GRIK3: variants seen among roughly 807,000 people sequenced by gnomAD.
The protein encoded by GRIK3 is glutamate receptor ionotropic, kainate 3.
In GRIK3, 29 loss-of-function variants were observed where a neutral mutation model predicts 102.5. The observed-to-expected ratio is 0.28, with a 90% CI of 0.21 to 0.39. The LOEUF (loss-of-function observed/expected upper bound fraction) is 0.39. Among genes scored for constraint, GRIK3 ranks in the 10% least tolerant of loss-of-function variants. The pLI is 1.00. For missense variants in GRIK3, 908 were observed against 1,252.4 expected (o/e 0.73, Z 4.15); for synonymous variants, 511 against 504.9 (o/e 1.01, Z -0.16).
intron 1 of GRIK3, among the ~76,000 whole-genome samples, chr1:36,903,056 C>T (rs531571699): frequency 4.4e-4 from 67 of 152,270 alleles, no homozygotes; most frequent in African/African-American, 1.5e-3. Flanking sequence ...TCCCAAAGTG[C>T]TGGGATTACC....
chr1:37,010,664 C>T (rs1642585057), intron 1 of GRIK3, among the ~76,000 whole-genome samples: 1 of 151,938 alleles, frequency 6.6e-6, no homozygotes, highest in Non-Finnish European at 1.5e-5. Flanking sequence ...CCAACCTTCC[C>T]GTCTGTGTGC....
chr1:37,030,157 A>G (rs927627346), intron 1 of GRIK3, among the ~76,000 whole-genome samples: 1 of 152,152 alleles, frequency 6.6e-6, no homozygotes, highest in African/African-American at 2.4e-5. Flanking sequence ...CCCGCGGGCC[A>G]CTCCCAGGTC....
chr1:36,873,548 G>A (rs1472835452), intron 3 of GRIK3, among the ~76,000 whole-genome samples: 1 of 152,080 alleles, frequency 6.6e-6, no homozygotes, highest in South Asian at 2.1e-4. Context: ...GGTCCCAAGA[G>A]GGCCATCCCC....
chr1:36,964,477 C>T (rs980895512), intron 1 of GRIK3, among the ~76,000 whole-genome samples: 2 of 152,228 alleles, frequency 1.3e-5, no homozygotes, highest in African/African-American at 4.8e-5. Context: ...CACTGGAAAC[C>T]GAACCCCCAC....
intron 1 of GRIK3, among the ~76,000 whole-genome samples, chr1:37,026,951 A>G (rs1468393939): frequency 1.3e-5 from 2 of 152,146 alleles, no homozygotes; most frequent in African/African-American, 4.8e-5. Context: ...ATTGACTCCA[A>G]AAAAAATCAT....
At position 36,819,675 on chromosome 1, in the gene GRIK3, G is replaced by C. The variant is rs1218336575; in HGVS notation, c.1873+61C>G. 10 of 880,784 alleles carry C rather than the reference G, an allele frequency of 1.1e-5. No individual in the cohort carries two copies. Among genetic ancestry groups the C allele is most frequent in the Non-Finnish European group, 1.9e-5 (10 of 513,758 alleles). The allele number at this position is 880,784 out of a possible 1,614,324, so 54.6% of individuals were successfully genotyped here. A position where few individuals can be genotyped will look rare whatever the true frequency, so the allele number is the denominator to read the frequency against. ...GGCTGGCTCTGCTGATGCCAAAGAG[G>C]CTGAAGACCGCTTGGGGAAAGCAGA... On this transcript the variant is annotated intron_variant, in intron 12 of 15. Coordinates refer to ENST00000373091, the MANE Select transcript of GRIK3 (RefSeq NM_000831.4). This position sits in a 1 kb window ranked among gnomAD's most constrained non-coding sequence, Gnocchi z 4.1.
chr1:36,994,776 T>C (rs138099948), intron 1 of GRIK3, among the ~76,000 whole-genome samples: 43 of 152,354 alleles, frequency 2.8e-4, no homozygotes, highest in African/African-American at 9.9e-4. Flanking sequence ...GGCATCATTC[T>C]AAACTTCCTG....
chr1:36,905,065 A>G (rs1017513005), intron 1 of GRIK3, among the ~76,000 whole-genome samples: 1 of 152,176 alleles, frequency 6.6e-6, no homozygotes, highest in Non-Finnish European at 1.5e-5. Flanking sequence ...GCATACAAAT[A>G]TAGAAAAACA....
chr1:37,008,762 C>T (rs1009593847), intron 1 of GRIK3, among the ~76,000 whole-genome samples: 8 of 152,248 alleles, frequency 5.3e-5, no homozygotes, highest in Admixed American at 4.6e-4. Context: ...TCCAGGACAG[C>T]GAGGTCAGAA....
At chr1:36,942,840 G>A (rs778494203) in intron 1 of GRIK3, among the ~76,000 whole-genome samples, 4 of 152,140 alleles carry the variant, frequency 2.6e-5, no homozygotes, top group Non-Finnish European at 5.9e-5. Context: ...GGTGAAGCTG[G>A]CAGCCCAGGG....
intron 1 of GRIK3, among the ~76,000 whole-genome samples, chr1:36,988,097 C>A (rs887851439): frequency 1.3e-5 from 2 of 152,154 alleles, no homozygotes; most frequent in Non-Finnish European, 2.9e-5. Context: ...TCAAGACCAG[C>A]CTGGTCAACA....
At chr1:36,910,030 C>G (rs1194654818) in intron 1 of GRIK3, among the ~76,000 whole-genome samples, 1 of 152,144 alleles carries the variant, frequency 6.6e-6, no homozygotes, top group African/African-American at 2.4e-5. Flanking sequence ...AAGCTTGGCC[C>G]TCTGACCTCA....
chr1:36,932,010 C>T (rs567577613), intron 1 of GRIK3, among the ~76,000 whole-genome samples: 2 of 152,302 alleles, frequency 1.3e-5, no homozygotes, highest in Non-Finnish European at 2.9e-5. Context: ...CCCTATCTGA[C>T]CTGAAGCTCA....
chr1:36,884,068 A>G (rs1401163455), intron 2 of GRIK3, among the ~76,000 whole-genome samples: 1 of 152,176 alleles, frequency 6.6e-6, no homozygotes, highest in Non-Finnish European at 1.5e-5. Flanking sequence ...GTGCCAGTAC[A>G]GAGGGTATCT....
intron 5 of GRIK3, among the ~76,000 whole-genome samples, chr1:36,862,746 AT>A (rs1375360455): frequency 8.5e-5 from 13 of 152,296 alleles, no homozygotes; most frequent in African/African-American, 3.1e-4. Flanking sequence ...CAGTTGCCTC[AT>A]CTGCAAAATG....
intron 5 of GRIK3, among the ~76,000 whole-genome samples, chr1:36,861,594 A>G (rs965090905): frequency 1.3e-5 from 2 of 152,188 alleles, no homozygotes; most frequent in Admixed American, 6.5e-5. Flanking sequence ...GATAAAGCCT[A>G]GAGACCTTTC....
intron 1 of GRIK3, among the ~76,000 whole-genome samples, chr1:36,924,328 A>C (rs900459261): frequency 7.9e-5 from 12 of 152,174 alleles, no homozygotes; most frequent in Admixed American, 1.3e-4. Context: ...CATCGGGTGC[A>C]ACTGGACGAA....
Position 36,850,416 on chromosome 1 carries a change from C to T in GRIK3, c.1221G>A (p.Val407=), listed in dbSNP as rs1488192667. 1 of 1,607,148 alleles carries T rather than the reference C, an allele frequency of 6.2e-7. No homozygotes were observed. The change falls in exon 9 of 16, where the codon GTG becomes GTA. Residue 407 remains valine (V), a synonymous_variant. Transcript: ENST00000373091. This position sits in a 1 kb window ranked among gnomAD's most constrained non-coding sequence, Gnocchi z 4.0. ...TGTTGAGCCCGTCGGCAGGACTCCA[C>T]ACCCCAACCTGGATGGACACAGACA... ...LKEDGLEKVG[V]WSPADGLNIT...
At chr1:36,981,221 G>A (rs754824978) in intron 1 of GRIK3, among the ~76,000 whole-genome samples, 4 of 152,210 alleles carry the variant, frequency 2.6e-5, no homozygotes, top group Admixed American at 2.0e-4. Context: ...GTCAACTCGG[G>A]TTATCTGGGG....
Sources: allele counts gnomAD v4.1 joint callset (sites outside exome capture counted in the v4.1 genomes callset), GRCh38; gene constraint gnomAD v4.1.1; non-coding constraint Gnocchi (gnomAD v3.1); transcripts MANE v1.5; gene names NCBI Gene and HGNC (gene_info 2026-07-23, HGNC 2026-07-21).